ADAMTS15: variants seen among roughly 807,000 people sequenced by gnomAD.
The protein encoded by ADAMTS15 is A disintegrin and metalloproteinase with thrombospondin motifs 15.
ADAMTS15 carries 35 observed loss-of-function variants against 79.1 expected under a neutral mutation model. The observed-to-expected ratio is 0.44, with a 90% confidence interval of 0.34 to 0.59. ADAMTS15 has a LOEUF of 0.59. Ranked by LOEUF, ADAMTS15 falls within the 20% of genes least tolerant of loss-of-function variation. ADAMTS15 has a pLI of 0.02. For synonymous variants in ADAMTS15, 616 were observed against 567.3 expected (o/e 1.09, Z -1.22); for missense variants, 1,324 against 1,318.7 (o/e 1.00, Z -0.06).
At position 130,449,309 on chromosome 11, in the gene ADAMTS15, C is replaced by T. The variant is rs141417398; in HGVS notation, c.336C>T (p.Asp112=). The change falls in exon 1 of 8, where the codon GAC becomes GAT. Residue 112 remains aspartate, a synonymous_variant. Coordinates refer to ENST00000299164, the MANE Select transcript of ADAMTS15 (RefSeq NM_139055.4). The surrounding 1 kb of genome is among the most constrained non-coding windows in gnomAD (Gnocchi z 7.8). ...CTGGGGACGTGAACGCCGAGCCGGA[C>T]TCGTTCGCTGCTGTGAGCCTGTGCG... ...FYSGDVNAEP[D]SFAAVSLCGG... is the part of the protein sequence containing the mutation. 1 of 1,610,776 alleles carries T rather than the reference C, an allele frequency of 6.2e-7. No homozygotes were observed. The highest frequency in any genetic ancestry group is 1.1e-5 in the South Asian group (1 of 91,096).
chr11:130,457,230 C>CAA (rs397816239), intron 1 of ADAMTS15, among the ~76,000 whole-genome samples: 78 of 116,452 alleles, frequency 6.7e-4, no homozygotes, highest in Middle Eastern at 5.1e-3. Context: ...GACTCAGTCT[C>CAA]AAAAAAAAAA....
intron 4 of ADAMTS15, among the ~76,000 whole-genome samples, chr11:130,465,873 CTTTT>C (rs71061391): frequency 6.9e-6 from 1 of 144,200 alleles, no homozygotes; most frequent in African/African-American, 2.6e-5. Context: ...TCTTTTCTTT[CTTTT>C]TTTTTTTTTT....
At chr11:130,470,164 A>ATATATATATATATGTG (rs1938407549) in intron 5 of ADAMTS15, among the ~76,000 whole-genome samples, 2 of 58,234 alleles carry the variant, frequency 3.4e-5, no homozygotes, top group African/African-American at 2.1e-4. Context: ...GTATATATAT[A>ATATATATATATATGTG]TATATATATA....
intron 4 of ADAMTS15, among the ~76,000 whole-genome samples, chr11:130,466,847 C>T (rs1449617966): frequency 6.6e-6 from 1 of 152,184 alleles, no homozygotes; most frequent in African/African-American, 2.4e-5. Flanking sequence ...CTTTCTCCCT[C>T]TGCTTGGAAT....
chr11:130,471,071 C>A lies in ADAMTS15; in HGVS notation c.1872C>A (p.Gly624=). 6.2e-7 allele frequency: 1 copy of A among 1,614,008 alleles called. No individual in the cohort carries two copies. The highest frequency in any genetic ancestry group is 8.5e-7 in the Non-Finnish European group (1 of 1,179,952). ...GCAAGCTCATCTGCCGAGCCAATGG[C>A]ACTGGCTACTTCTATGTGCTGGCAC... ...DKCKLICRAN[G]TGYFYVLAPK... is the part of the protein sequence containing the mutation. The change falls in exon 6 of 8, where the codon GGC becomes GGA. Residue 624 remains glycine, a synonymous_variant. Transcript: ENST00000299164.
At chr11:130,450,495 G>A (rs1032175282) in intron 1 of ADAMTS15, 2 of 962,370 alleles carry the variant, frequency 2.1e-6, no homozygotes, top group African/African-American at 1.8e-5. Flanking sequence ...AGATTTTGTG[G>A]GTTGCAGTGA....
In ADAMTS15 at chr11:130,449,990, C is replaced by G. The variant is rs1018599600; in HGVS notation, c.957+60C>G. The G allele has an allele frequency of 1.3e-6, 2 of 1,565,888 alleles. No individual in the cohort carries two copies. Among genetic ancestry groups the G allele is most frequent in the Non-Finnish European group, 1.7e-6 (2 of 1,160,536 alleles). The stretch of plus-strand genomic sequence containing the variant: ...GTCCCGTTCTTTAGGGTCACCTCCC[C>G]TAGCGCTCCAAATCCCCTTTGTATC... On this transcript the variant is annotated intron_variant, in intron 1 of 7. Transcript: ENST00000299164. This position sits in a 1 kb window ranked among gnomAD's most constrained non-coding sequence, Gnocchi z 7.8.
chr11:130,455,816 G>C (rs1054723887), intron 1 of ADAMTS15, among the ~76,000 whole-genome samples: 2 of 152,168 alleles, frequency 1.3e-5, no homozygotes, highest in Admixed American at 1.3e-4. Flanking sequence ...CCGGGGGCTC[G>C]TTCAACCGGA....
Position 130,449,435 on chromosome 11 carries a change from A to C in ADAMTS15, c.462A>C (p.Ala154=). ...APAAQRNSQG[A]HLLQRRGVPG... is the part of the protein sequence containing the mutation. ...CGGCGCAGCGCAACAGCCAGGGCGC[A>C]CACCTTCTCCAGCGCCGGGGTGTTC... Residue 154 remains alanine, a synonymous_variant, in exon 1 of 8, where the codon GCA becomes GCC. Transcript: ENST00000299164. The surrounding 1 kb of genome is among the most constrained non-coding windows in gnomAD (Gnocchi z 7.8). The C allele has an allele frequency of 6.3e-7, 1 of 1,591,364 alleles. No individual in the cohort carries two copies. Among genetic ancestry groups the C allele is most frequent in the Non-Finnish European group, 8.5e-7 (1 of 1,172,728 alleles).
In ADAMTS15 at chr11:130,461,471, T is replaced by C; in HGVS notation, c.958-18T>C. ...TCTCTAACTTCGGGCTGGCTTCTGCTTCTCCCCCACCCGGCAGGACCTGTG... is the reference window on the plus strand; with the variant it reads ...TCTCTAACTTCGGGCTGGCTTCTGCCTCTCCCCCACCCGGCAGGACCTGTG... On this transcript the variant is annotated intron_variant, in intron 1 of 7. Transcript: ENST00000299164. The C allele has an allele frequency of 2.5e-6, 4 of 1,613,992 alleles. No individual in the cohort carries two copies. The highest frequency in any genetic ancestry group is 3.4e-6 in the Non-Finnish European group (4 of 1,179,998).
rs946485004 is a variant in ADAMTS15 at position 130,474,885 on chromosome 11, C to T, written c.*1064C>T. 6.6e-6 allele frequency: 1 copy of T among 152,200 alleles called. No individual in the cohort carries two copies. The highest frequency in any genetic ancestry group is 2.4e-5 in the African/African-American group (1 of 41,446). The allele number at this position is 152,200 out of a possible 1,614,324, so 9.4% of individuals were successfully genotyped here. On this transcript the variant is annotated 3_prime_UTR_variant, in exon 8 of 8. Coordinates refer to ENST00000299164, the MANE Select transcript of ADAMTS15 (RefSeq NM_139055.4). ...CCCATTGTGAGGGGCTGGGGCATGC[C>T]TAGGAGGGCTAGGTGCTGAACATCT...
In ADAMTS15 at chr11:130,470,160, A is replaced by ACG. The variant is rs1938404633; in HGVS notation, c.1720+721_1720+722insCG. 7.0e-5 allele frequency among the ~76,000 whole-genome samples: 4 copies of ACG among 57,314 alleles called. 1 individual carries two copies. Among genetic ancestry groups the ACG allele is most frequent in the African/African-American group, 3.1e-4 (3 of 9,680 alleles). 37.6% of individuals were successfully genotyped at this position (57,314 alleles called of 152,430 possible). A position where few individuals can be genotyped will look rare whatever the true frequency, so the allele number is the denominator to read the frequency against. ...TATATATATATATATATGTGTATAT[A>ACG]TATATATATATATATATATATGTGT... is the stretch of plus-strand genomic sequence containing the variant. On this transcript the variant is annotated intron_variant, in intron 5 of 7. Transcript: ENST00000299164.
chr11:130,462,696 C>T lies in ADAMTS15; in HGVS notation c.1458C>T (p.Pro486=). ...GQMVCQTRHF[P]WADGTSCGEG... Reference sequence around the variant, plus strand: ...TGGTGTGCCAGACCCGCCACTTCCCCTGGGCCGATGGCACCAGCTGTGGCG... The same window carrying T: ...TGGTGTGCCAGACCCGCCACTTCCCTTGGGCCGATGGCACCAGCTGTGGCG... Residue 486 remains proline, a synonymous_variant, in exon 4 of 8, where the codon CCC becomes CCT. Coordinates refer to ENST00000299164, the MANE Select transcript of ADAMTS15 (RefSeq NM_139055.4). The surrounding 1 kb of genome is among the most constrained non-coding windows in gnomAD (Gnocchi z 4.3). The T allele has an allele frequency of 1.9e-6, 3 of 1,613,076 alleles. No homozygotes were observed. The highest frequency in any genetic ancestry group is 2.5e-6 in the Non-Finnish European group (3 of 1,179,100).
rs144157651 is a variant in ADAMTS15, at chr11:130,462,248, G to A, written c.1252G>A (p.Gly418Arg). ...CATCATCACCGACTTCCTGGACAGCGGGCACGGTAAGCCAGGACGGCGGGA... is the reference window on the plus strand; with the variant it reads ...CATCATCACCGACTTCCTGGACAGCAGGCACGGTAAGCCAGGACGGCGGGA... ...AAIITDFLDSGHGDCLLDQPS... is the reference protein window; with the variant it reads ...AAIITDFLDSRHGDCLLDQPS... Residue 418 changes from glycine (G) to arginine (R), a missense_variant, in exon 3 of 8, where the codon GGG becomes AGG. Transcript: ENST00000299164. The surrounding 1 kb of genome is among the most constrained non-coding windows in gnomAD (Gnocchi z 4.3). The A allele has an allele frequency of 1.5e-4, 236 of 1,613,016 alleles. 2 individuals are homozygous for A. The African/African-American group carries it at 2.1e-3, about 14-fold the overall frequency.
At chr11:130,467,041 T>G (rs1938315838) in intron 4 of ADAMTS15, among the ~76,000 whole-genome samples, 1 of 152,218 alleles carries the variant, frequency 6.6e-6, no homozygotes. Flanking sequence ...GTAATTGCTC[T>G]GAGGGCAGGT....
Position 130,462,124 on chromosome 11 carries a change from C to T in ADAMTS15, c.1128C>T (p.Val376=). 1 of 1,614,036 alleles carries T rather than the reference C, an allele frequency of 6.2e-7. No individual in the cohort carries two copies. The highest frequency in any genetic ancestry group is 1.1e-5 in the South Asian group (1 of 91,074). The stretch of plus-strand genomic sequence containing the variant: ...ACATGCCCCATGACAATGTGAAAGT[C>T]TGTGAGGAGGTGTTTGGGAAGCTCC... ...VFNMPHDNVK[V]CEEVFGKLRA... is the part of the protein sequence containing the mutation. The change falls in exon 3 of 8, where the codon GTC becomes GTT. Residue 376 remains valine, a synonymous_variant. Transcript: ENST00000299164. The surrounding 1 kb of genome is among the most constrained non-coding windows in gnomAD (Gnocchi z 4.3).
intron 4 of ADAMTS15, among the ~76,000 whole-genome samples, chr11:130,466,743 T>C (rs1805167541): frequency 6.6e-6 from 1 of 152,184 alleles, no homozygotes; most frequent in Admixed American, 6.5e-5. Context: ...TCAGCACCCT[T>C]TAGGGGCTTT....
Position 130,448,792 on chromosome 11 carries a change from C to T in ADAMTS15, c.-182C>T, listed in dbSNP as rs1937886147. Among the ~76,000 whole-genome samples, 1 of 152,256 alleles carries T rather than the reference C, an allele frequency of 6.6e-6. No homozygotes were observed. The highest frequency in any genetic ancestry group is 1.5e-5 in the Non-Finnish European group (1 of 68,042). On this transcript the variant is annotated 5_prime_UTR_variant, in exon 1 of 8. Transcript: ENST00000299164. ...GAAAGGCACAGGTAGGAAGCGCGGG[C>T]TGCCGGGTGCACGCTCGCCGCCCTG...
Position 130,473,363 on chromosome 11 carries a change from T to C in ADAMTS15, c.2395T>C (p.Tyr799His), listed in dbSNP as rs751015974. The change falls in exon 8 of 8, where the codon TAT (tyrosine) becomes CAT (histidine). Residue 799 changes from tyrosine (Y) to histidine (H), a missense_variant. Transcript: ENST00000299164. Reference protein sequence around the residue: ...MTPPRVRYSFYLPKEPREDKS... With the variant: ...MTPPRVRYSFHLPKEPREDKS... The stretch of plus-strand genomic sequence containing the variant: ...ACCGCCCCGGGTCCGCTACTCCTTC[T>C]ATCTGCCCAAAGAGCCTCGGGAGGA... 9.9e-6 allele frequency: 16 copies of C among 1,612,750 alleles called. No homozygotes were observed. The Admixed American group carries it at 2.7e-4, about 27-fold the overall frequency.
Sources: gnomAD v4.1 joint callset for allele counts (sites outside exome capture counted in the v4.1 genomes callset) on GRCh38, gnomAD v4.1.1 for gene constraint, Gnocchi (gnomAD v3.1) non-coding constraint, MANE v1.5 for transcripts, NCBI Gene and HGNC (gene_info 2026-07-23, HGNC 2026-07-21) for gene names.